The following ATP8A2 variants were observed in gnomAD, a reference collection of about 807,000 sequenced individuals.
ATP8A2 encodes phospholipid-transporting ATPase IB.
A neutral mutation model predicts 165.6 loss-of-function variants in ATP8A2; 100 were observed. The ratio of observed to expected loss-of-function variants is 0.60; its 90% CI spans 0.51 to 0.71. The LOEUF is 0.71. Ranked by LOEUF, ATP8A2 falls within the 30% of genes least tolerant of loss-of-function variation. ATP8A2 has a pLI of 0.00. For missense variants in ATP8A2, 1,227 were observed against 1,479.5 expected (o/e 0.83, Z 2.80); for synonymous variants, 543 against 548.8 (o/e 0.99, Z 0.15).
intron 16 of ATP8A2, among the ~76,000 whole-genome samples, chr13:25,565,574 T>C (rs1045445203): frequency 2.0e-5 from 3 of 152,184 alleles, no homozygotes; most frequent in African/African-American, 7.2e-5. Flanking sequence ...TTTGATGAGA[T>C]TGTTTGTTTT....
intron 1 of ATP8A2, among the ~76,000 whole-genome samples, chr13:25,462,665 G>C (rs2137486745): frequency 6.6e-6 from 1 of 152,208 alleles, no homozygotes; most frequent in Non-Finnish European, 1.5e-5. Flanking sequence ...CTTCCCAGAG[G>C]TTAGAAGGTC....
rs575263062 is a variant in ATP8A2 at position 25,687,291 on chromosome 13, T to C, written c.2212-11882T>C. Among the ~76,000 whole-genome samples the C allele has an allele frequency of 4.6e-5, 7 of 152,328 alleles. No individual in the cohort carries two copies. The South Asian group carries it at 1.5e-3, about 32-fold the overall frequency. On this transcript the variant is annotated intron_variant, in intron 24 of 36. Transcript: ENST00000381655. ...CAGTAAGGAAATGACCCAGGTGATC[T>C]CTTTTTCCATTCTTCAGCCAACATT...
intron 33 of ATP8A2, among the ~76,000 whole-genome samples, chr13:25,882,929 ATGATGATGATGG>A (rs1953026411): frequency 6.6e-6 from 1 of 150,486 alleles, no homozygotes. Flanking sequence ...GATGATGATG[ATGATGATGATGG>A]TGATGGTGAT....
At chr13:25,803,616 C>A (rs991381092) in intron 27 of ATP8A2, among the ~76,000 whole-genome samples, 1 of 152,186 alleles carries the variant, frequency 6.6e-6, no homozygotes, top group Non-Finnish European at 1.5e-5. Context: ...GCCTCGGGAC[C>A]AAAATGCCAC....
intron 2 of ATP8A2, among the ~76,000 whole-genome samples, chr13:25,512,640 A>AC (rs1317777454): frequency 2.2e-4 from 29 of 130,436 alleles, no homozygotes; most frequent in African/African-American, 3.9e-4. Flanking sequence ...CGGGGGGCTG[A>AC]CCCCCCACCT....
At chr13:25,567,849 T>G (rs2039360500) in intron 16 of ATP8A2, among the ~76,000 whole-genome samples, 1 of 152,192 alleles carries the variant, frequency 6.6e-6, no homozygotes, top group Non-Finnish European at 1.5e-5. Context: ...GGGATTGAAT[T>G]AAATGTACCC....
intron 1 of ATP8A2, among the ~76,000 whole-genome samples, chr13:25,396,066 TCTC>T (rs2033413486): frequency 6.6e-6 from 1 of 152,118 alleles, no homozygotes; most frequent in East Asian, 1.9e-4. Flanking sequence ...ATGGTCTTGA[TCTC>T]CTGACCTCGT....
At chr13:25,964,640 A>G (rs1021220452) in intron 34 of ATP8A2, among the ~76,000 whole-genome samples, 1 of 152,170 alleles carries the variant, frequency 6.6e-6, no homozygotes, top group Admixed American at 6.5e-5. Context: ...TGAGTTGTCA[A>G]GTATCTACTG....
rs2032438860 is a variant in ATP8A2 at position 25,372,379 on chromosome 13, C to T, written c.76+91C>T. 7.3e-6 allele frequency: 7 copies of T among 954,248 alleles called. No individual in the cohort carries two copies. In the East Asian group the frequency reaches 2.5e-4, roughly 33 times the overall value. 59.1% of individuals were successfully genotyped at this position (954,248 alleles called of 1,614,324 possible). A position where few individuals can be genotyped will look rare whatever the true frequency, so the allele number is the denominator to read the frequency against. ...CGGTTATGCGACACTGCCCCGCCCGCGCCCCGCTCCCCTCCCTGGGCTCCC... is the reference window on the plus strand; with the variant it reads ...CGGTTATGCGACACTGCCCCGCCCGTGCCCCGCTCCCCTCCCTGGGCTCCC... On this transcript the variant is annotated intron_variant, in intron 1 of 36. Transcript: ENST00000381655. The surrounding 1 kb of genome is among the most constrained non-coding windows in gnomAD (Gnocchi z 4.8).
chr13:25,974,372 G>A (rs750397602), intron 35 of ATP8A2, among the ~76,000 whole-genome samples: 6 of 152,146 alleles, frequency 3.9e-5, no homozygotes, highest in South Asian at 2.1e-4. Flanking sequence ...TTGCATCGTC[G>A]GGGTGTGCCC....
chr13:26,006,011 T>A (rs1334045301), intron 35 of ATP8A2, among the ~76,000 whole-genome samples: 2 of 152,038 alleles, frequency 1.3e-5, no homozygotes, highest in Non-Finnish European at 2.9e-5. Context: ...TCCATGTGAA[T>A]CTTAAGATCA....
At chr13:25,853,187 G>C (rs571293055) in intron 30 of ATP8A2, among the ~76,000 whole-genome samples, 3 of 151,742 alleles carry the variant, frequency 2.0e-5, no homozygotes, top group Admixed American at 6.6e-5. Flanking sequence ...TCAGGAGTTC[G>C]AGACCAGCCT....
chr13:25,832,280 G>A (rs780882341), intron 28 of ATP8A2, among the ~76,000 whole-genome samples: 1 of 152,122 alleles, frequency 6.6e-6, no homozygotes, highest in Non-Finnish European at 1.5e-5. Context: ...ATACCACGAA[G>A]GACCAATGCT....
At chr13:25,949,376 C>T (rs913192834) in intron 33 of ATP8A2, among the ~76,000 whole-genome samples, 8 of 152,196 alleles carry the variant, frequency 5.3e-5, no homozygotes, top group South Asian at 2.1e-4. Flanking sequence ...CTAAATACTG[C>T]GCGTTGACAT....
At chr13:25,978,777 A>G (rs1285569232) in intron 35 of ATP8A2, among the ~76,000 whole-genome samples, 4 of 152,132 alleles carry the variant, frequency 2.6e-5, no homozygotes, top group Admixed American at 1.3e-4. Context: ...CGTCTCTACT[A>G]AAAATACAAA....
chr13:25,593,442 C>T (rs999832796), intron 24 of ATP8A2, among the ~76,000 whole-genome samples: 1 of 152,136 alleles, frequency 6.6e-6, no homozygotes, highest in Non-Finnish European at 1.5e-5. Context: ...GCCAAAATAA[C>T]TTCTAAGCTC....
chr13:25,425,828 C>A (rs531636034), intron 1 of ATP8A2, among the ~76,000 whole-genome samples: 1 of 152,132 alleles, frequency 6.6e-6, no homozygotes, highest in African/African-American at 2.4e-5. Flanking sequence ...CGCCCGCCTC[C>A]GCCTCCCAGA....
chr13:25,647,970 T>G (rs1845246063), intron 24 of ATP8A2, among the ~76,000 whole-genome samples: 1 of 152,214 alleles, frequency 6.6e-6, no homozygotes, highest in African/African-American at 2.4e-5. Flanking sequence ...ATTACAGACA[T>G]GAGCCACTGC....
chr13:25,878,502 G>A (rs775980067), intron 33 of ATP8A2, among the ~76,000 whole-genome samples: 1 of 96,690 alleles, frequency 1.0e-5, no homozygotes, highest in Non-Finnish European at 2.0e-5. Context: ...GTGTAGCAGT[G>A]AGAATGAACA....
Sources: allele counts gnomAD v4.1 joint callset (sites outside exome capture counted in the v4.1 genomes callset), GRCh38; gene constraint gnomAD v4.1.1; non-coding constraint Gnocchi (gnomAD v3.1); transcripts MANE v1.5; gene names NCBI Gene and HGNC (gene_info 2026-07-23, HGNC 2026-07-21).